The following SCHIP1 variants were observed in gnomAD, a reference collection of about 807,000 sequenced individuals.
SCHIP1 encodes schwannomin interacting protein 1, also known as schwannomin-interacting protein 1.
SCHIP1 carries 8 observed loss-of-function variants against 29.7 expected under a neutral mutation model. That is an observed-to-expected ratio of 0.27 (90% CI 0.16 to 0.49). SCHIP1 has a LOEUF of 0.49. Among genes scored for constraint, SCHIP1 ranks in the 20% least tolerant of loss-of-function variants. SCHIP1 has a pLI of 0.99. For synonymous variants in SCHIP1, 76 were observed against 94.9 expected (o/e 0.80, Z 1.16); for missense variants, 193 against 294.6 (o/e 0.66, Z 2.52).
chr3:159,395,757 G>A, the SCHIP1 span, among the ~76,000 whole-genome samples: 1 of 151,430 alleles, frequency 6.6e-6, no homozygotes, highest in African/African-American at 2.4e-5. Context: ...GTCAATTTTG[G>A]AATAGGTGTG....
the SCHIP1 span, among the ~76,000 whole-genome samples, chr3:159,588,409 G>A: frequency 4.6e-5 from 7 of 152,136 alleles, no homozygotes; most frequent in Non-Finnish European, 8.8e-5. Context: ...CTCCCATTCT[G>A]TAGGTTGCCA....
exon 1 of SCHIP1, chr3:159,839,962 T>C: frequency 1.4e-6 from 2 of 1,419,470 alleles, no homozygotes; most frequent in Non-Finnish European, 1.8e-6. Flanking sequence ...GCCTCACTGG[T>C]TTCGGAGGGC....
chr3:159,319,263 G>A, the SCHIP1 span, among the ~76,000 whole-genome samples: 1 of 152,138 alleles, frequency 6.6e-6, no homozygotes, highest in South Asian at 2.1e-4. Context: ...GAGCTTTGGT[G>A]ATATGAGATA....
the SCHIP1 span, among the ~76,000 whole-genome samples, chr3:159,740,051 T>G: frequency 1.3e-5 from 2 of 152,214 alleles, no homozygotes; most frequent in Non-Finnish European, 1.5e-5. Flanking sequence ...CTTACTGTTG[T>G]CATCTCGTCT....
chr3:159,866,705 T>TA (rs1714668608), intron 2 of SCHIP1, among the ~76,000 whole-genome samples: 1 of 152,182 alleles, frequency 6.6e-6, no homozygotes, highest in Non-Finnish European at 1.5e-5. Context: ...AACTGAGAAA[T>TA]ACAATTCCCG....
the SCHIP1 span, chr3:159,721,564 G>A: frequency 5.4e-6 from 1 of 184,292 alleles, no homozygotes; most frequent in East Asian, 1.7e-4. Flanking sequence ...CATAGTGATA[G>A]TCATCAGGGG....
the SCHIP1 span, among the ~76,000 whole-genome samples, chr3:159,431,064 G>A: frequency 1.3e-5 from 2 of 152,108 alleles, no homozygotes; most frequent in African/African-American, 4.8e-5. Context: ...CATCTCCTAT[G>A]GAAAAGGGCT....
At chr3:159,809,126 C>A in the SCHIP1 span, among the ~76,000 whole-genome samples, 1 of 150,990 alleles carries the variant, frequency 6.6e-6, no homozygotes, top group Non-Finnish European at 1.5e-5. Flanking sequence ...CTAATGCTAT[C>A]CCTCCCCCAG....
At chr3:159,602,504 T>A in the SCHIP1 span, among the ~76,000 whole-genome samples, 2 of 151,530 alleles carry the variant, frequency 1.3e-5, no homozygotes, top group South Asian at 2.1e-4. Flanking sequence ...AGGTCAGGAG[T>A]TCGAGACCAG....
At chr3:159,677,862 G>A in the SCHIP1 span, among the ~76,000 whole-genome samples, 1 of 152,078 alleles carries the variant, frequency 6.6e-6, no homozygotes, top group Non-Finnish European at 1.5e-5. Context: ...TGGAGACAGG[G>A]TCTCACTCTG....
the SCHIP1 span, among the ~76,000 whole-genome samples, chr3:159,590,092 C>T: frequency 6.6e-6 from 1 of 151,974 alleles, no homozygotes. Context: ...GGAGGAGGGG[C>T]CCCATGCTTT....
the SCHIP1 span, among the ~76,000 whole-genome samples, chr3:159,298,923 G>C: frequency 6.6e-6 from 1 of 152,160 alleles, no homozygotes; most frequent in Non-Finnish European, 1.5e-5. Flanking sequence ...TTTGGCCCCA[G>C]TTCACCTACT....
At chr3:159,599,353 A>G in the SCHIP1 span, among the ~76,000 whole-genome samples, 1 of 152,170 alleles carries the variant, frequency 6.6e-6, no homozygotes, top group South Asian at 2.1e-4. Context: ...TGGTGCACCC[A>G]TCATTCAAGC....
intron 2 of SCHIP1, among the ~76,000 whole-genome samples, chr3:159,867,404 G>A (rs1353016781): frequency 2.0e-5 from 3 of 152,186 alleles, no homozygotes; most frequent in Non-Finnish European, 4.4e-5. Context: ...ATGGCTTTCA[G>A]TAAGGTTTGT....
At chr3:159,286,689 A>G in the SCHIP1 span, among the ~76,000 whole-genome samples, 1 of 152,220 alleles carries the variant, frequency 6.6e-6, no homozygotes, top group Admixed American at 6.5e-5. Context: ...CATTTCTACC[A>G]GCAGTGTGTA....
the SCHIP1 span, among the ~76,000 whole-genome samples, chr3:159,578,359 AC>A: frequency 1.3e-5 from 2 of 152,178 alleles, no homozygotes; most frequent in African/African-American, 4.8e-5. Flanking sequence ...TTTTAATCTG[AC>A]TACATGTTGA....
At chr3:159,738,752 A>G in the SCHIP1 span, among the ~76,000 whole-genome samples, 1 of 152,250 alleles carries the variant, frequency 6.6e-6, no homozygotes, top group Non-Finnish European at 1.5e-5. Flanking sequence ...GAAATTGTAT[A>G]TAGTGATAAA....
the SCHIP1 span, among the ~76,000 whole-genome samples, chr3:159,504,708 ATC>A: frequency 6.6e-6 from 1 of 152,192 alleles, no homozygotes; most frequent in Non-Finnish European, 1.5e-5. Flanking sequence ...TATGTAGAGA[ATC>A]AATATTCATA....
chr3:159,837,126 A>G (rs895351813), upstream of SCHIP1, among the ~76,000 whole-genome samples: 13 of 151,968 alleles, frequency 8.6e-5, no homozygotes, highest in African/African-American at 3.1e-4. Context: ...TTTTTTTAAC[A>G]ACACATGATA....
Sources: allele counts gnomAD v4.1 joint callset (sites outside exome capture counted in the v4.1 genomes callset), GRCh38; gene constraint gnomAD v4.1.1; transcripts MANE v1.5; gene names NCBI Gene and HGNC (gene_info 2026-07-23, HGNC 2026-07-21).